Variants in RPL35A observed in about 807,000 individuals in gnomAD.
RPL35A encodes the protein ribosomal protein L35a.
In RPL35A, 1 loss-of-function variant was observed where a neutral mutation model predicts 16.7. The observed-to-expected ratio is 0.06, with a 90% CI of 0.02 to 0.28. RPL35A has a LOEUF of 0.28. Ranked by LOEUF, RPL35A falls within the 10% of genes least tolerant of loss-of-function variation. The pLI is 1.00. For missense variants in RPL35A, 91 were observed against 138.7 expected, an observed-to-expected ratio of 0.66 and a Z score of 1.73; for synonymous variants, 58 against 47.0, an observed-to-expected ratio of 1.23 and a Z score of -0.96.
chr3:197,955,809 G>A lies in RPL35A; in HGVS notation c.*36G>A. ...AATCAATAAATAAATGTGGATTTGT[G>A]CTCTTGTATTTTTAAGTGGATTAAA... is the stretch of plus-strand genomic sequence containing the variant. On this transcript the variant is annotated 3_prime_UTR_variant, in exon 5 of 5. Transcript: ENST00000647248. 2.6e-6 allele frequency: 4 copies of A among 1,545,844 alleles called. No individual in the cohort carries two copies. Among genetic ancestry groups the A allele is most frequent in the Non-Finnish European group, 3.6e-6 (4 of 1,120,006 alleles).
rs189224941 is a variant in RPL35A, at chr3:197,956,235, T to G, written c.*462T>G. The G allele has an allele frequency of 1.6e-5, 3 of 190,466 alleles. No individual in the cohort carries two copies. In the Admixed American group the frequency reaches 1.6e-4, roughly 10 times the overall value. 11.8% of individuals were successfully genotyped at this position (190,466 alleles called of 1,614,324 possible). On this transcript the variant is annotated 3_prime_UTR_variant, in exon 5 of 5. Transcript: ENST00000647248. ...CTCCTGAAGTGCTGGGATACAGTTA[T>G]GAGCCACCACACCTGCCAAGTGCTT...
At chr3:197,952,437 G>A (rs1055381948) in intron 3 of RPL35A, 12 of 151,918 alleles carry the variant, frequency 7.9e-5, no homozygotes, top group African/African-American at 2.7e-4. Flanking sequence ...CAAAGTGCTG[G>A]GATTACAGGC....
chr3:197,951,562 A>G (rs1720090674), intron 3 of RPL35A: 1 of 465,880 alleles, frequency 2.1e-6, no homozygotes, highest in Non-Finnish European at 3.9e-6. Context: ...CATGTTGGCC[A>G]GGCTGGTCCC....
At chr3:197,955,633 C>G in intron 4 of RPL35A, 117 bp from the exon 5 acceptor site, 1 of 944,590 alleles carries the variant, frequency 1.1e-6, no homozygotes, top group Admixed American at 1.7e-5. Flanking sequence ...AAAAACTTTC[C>G]TTACCACTAG....
intron 1 of RPL35A, 99 bp downstream of exon 1, chr3:197,950,320 C>T: frequency 8.1e-7 from 1 of 1,228,868 alleles, no homozygotes; most frequent in South Asian, 4.2e-5. Flanking sequence ...GAGTCTCTGC[C>T]AGCCATTGAT....
At chr3:197,951,357 C>A in intron 3 of RPL35A, 46 bp downstream of exon 3, 1 of 1,597,938 alleles carries the variant, frequency 6.3e-7, no homozygotes, top group East Asian at 2.2e-5. Flanking sequence ...AGATCTGCCT[C>A]ATTTTCTTTT....
chr3:197,953,609 T>G (rs897298819), intron 3 of RPL35A: 3 of 458,566 alleles, frequency 6.5e-6, no homozygotes, highest in African/African-American at 6.0e-5. Context: ...CTTTCCAGTC[T>G]TTGTTCCATG....
chr3:197,955,479 G>A (rs1720455548), intron 4 of RPL35A, among the ~76,000 whole-genome samples: 2 of 151,996 alleles, frequency 1.3e-5, no homozygotes. Context: ...GGCCAGGATG[G>A]TCTCTATCTC....
In RPL35A at chr3:197,950,966, C is replaced by T. The variant is rs1482098931; in HGVS notation, c.-2C>T. The stretch of plus-strand genomic sequence containing the variant: ...CTGGGAACGGGACTTCTAAAAGGAA[C>T]TATGTCTGGAAGGTACGCGTTTTAA... On this transcript the variant is annotated 5_prime_UTR_variant, in exon 2 of 5. Transcript: ENST00000647248. The T allele has an allele frequency of 1.2e-6, 2 of 1,613,970 alleles. No individual in the cohort carries two copies. Among genetic ancestry groups the T allele is most frequent in the Non-Finnish European group, 1.7e-6 (2 of 1,179,862 alleles).
intron 3 of RPL35A, chr3:197,953,725 A>G (rs1281423108): frequency 2.7e-5 from 14 of 511,440 alleles, no homozygotes; most frequent in East Asian, 1.9e-4. Context: ...TTTTTTCAAT[A>G]TTGCCTCTGT....
intron 3 of RPL35A, chr3:197,952,401 C>G (rs1368168894): frequency 2.0e-5 from 3 of 152,124 alleles, no homozygotes; most frequent in Admixed American, 6.5e-5. Context: ...AACTCCTGAA[C>G]TTGTGATCCA....
chr3:197,950,213 C>G lies in RPL35A; in HGVS notation c.-41C>G, dbSNP rs151077072. 9.7e-6 allele frequency: 12 copies of G among 1,231,458 alleles called. No homozygotes were observed. Among genetic ancestry groups the G allele is most frequent in the Admixed American group, 4.2e-5 (1 of 23,710 alleles). The allele number at this position is 1,231,458 out of a possible 1,614,324, so 76.3% of individuals were successfully genotyped here. ...TCCTTCTCTTACCGCCATCTTGGCT[C>G]CTGTGGAGGTGAGTGAAGGGTCTGC... is the stretch of plus-strand genomic sequence containing the variant. On this transcript the variant is annotated 5_prime_UTR_variant, in exon 1 of 5. Transcript: ENST00000647248.
intron 3 of RPL35A, chr3:197,953,369 G>C (rs185458309): frequency 1.1e-5 from 5 of 450,546 alleles, no homozygotes; most frequent in Admixed American, 9.5e-5. Flanking sequence ...AGACAACCCC[G>C]TGGTCTTTAA....
At chr3:197,952,094 T>G (rs2109807694) in intron 3 of RPL35A, among the ~76,000 whole-genome samples, 1 of 152,244 alleles carries the variant, frequency 6.6e-6, no homozygotes, top group East Asian at 1.9e-4. Context: ...TCGGCTCCTT[T>G]TGCCAGAATT....
chr3:197,952,377 C>T (rs1214874760), intron 3 of RPL35A, among the ~76,000 whole-genome samples: 1 of 151,904 alleles, frequency 6.6e-6, no homozygotes, highest in African/African-American at 2.4e-5. Flanking sequence ...ACCATTTTGG[C>T]CAGGCTGGTC....
chr3:197,954,144 A>G lies in RPL35A; in HGVS notation c.306A>G (p.Arg102=), dbSNP rs1581106269. 6.2e-7 allele frequency: 1 copy of G among 1,614,166 alleles called. No individual in the cohort carries two copies. The highest frequency in any genetic ancestry group is 2.2e-5 in the East Asian group (1 of 44,882). The part of the protein sequence containing the change: ...LPAKAIGHRI[R]VMLYPSRI ...CTAAGGCCATTGGACACAGAATCCG[A>G]GTGGTGAGTATGGTTTTTAGCAAAA... Residue 102 remains arginine (R), a synonymous_variant, in exon 4 of 5, where the codon CGA becomes CGG. Transcript: ENST00000647248.
intron 3 of RPL35A, among the ~76,000 whole-genome samples, chr3:197,952,961 C>G (rs547854723): frequency 1.3e-5 from 2 of 151,338 alleles, no homozygotes; most frequent in African/African-American, 4.9e-5. Context: ...CCACCACACC[C>G]GGCTAACTTT....
At chr3:197,954,478 C>T (rs1720376368) in intron 4 of RPL35A, 8 of 376,794 alleles carry the variant, frequency 2.1e-5, no homozygotes, top group South Asian at 4.7e-5. Context: ...GGACCATAGG[C>T]GTGTGCCACC....
chr3:197,950,285 C>T lies in RPL35A; in HGVS notation c.-33+64C>T, dbSNP rs1233277650. 5.7e-6 allele frequency: 7 copies of T among 1,230,500 alleles called. No homozygotes were observed. In the African/African-American group the frequency reaches 6.2e-5, roughly 11 times the overall value. The allele number at this position is 1,230,500 out of a possible 1,614,324, so 76.2% of individuals were successfully genotyped here. A position where few individuals can be genotyped will look rare whatever the true frequency, so the allele number is the denominator to read the frequency against. ...AACCGGAGTAGGTTTGTTCCTGTGCCTTGGCGAGTCGCCGGTGCGTATCGG... is the reference window on the plus strand; with the variant it reads ...AACCGGAGTAGGTTTGTTCCTGTGCTTTGGCGAGTCGCCGGTGCGTATCGG... On this transcript the variant is annotated intron_variant, in intron 1 of 4. Coordinates refer to ENST00000647248, the MANE Select transcript of RPL35A (RefSeq NM_000996.4).
Sources: gnomAD v4.1 joint callset for allele counts (sites outside exome capture counted in the v4.1 genomes callset) on GRCh38, gnomAD v4.1.1 for gene constraint, MANE v1.5 for transcripts, NCBI Gene and HGNC (gene_info 2026-07-23, HGNC 2026-07-21) for gene names.